Variants in PDE11A observed in about 807,000 individuals in gnomAD.
PDE11A encodes the protein phosphodiesterase 11A.
Under a neutral mutation model 100.5 loss-of-function variants are expected in PDE11A, and 100 were observed. The ratio of observed to expected loss-of-function variants is 1.00; its 90% CI spans 0.85 to 1.18. The LOEUF (loss-of-function observed/expected upper bound fraction) is 1.18, where lower values mean the gene tolerates loss of function less well. Ranked by LOEUF, PDE11A falls within the 50% of genes most tolerant of loss-of-function variation. The pLI is 0.00. For synonymous variants in PDE11A, 381 were observed against 420.8 expected, an observed-to-expected ratio of 0.91 and a Z score of 1.16; for missense variants, 1,141 against 1,152.6, an observed-to-expected ratio of 0.99 and a Z score of 0.15.
intron 13 of PDE11A, among the ~76,000 whole-genome samples, chr2:177,702,326 A>C (rs982385772): frequency 1.3e-5 from 2 of 152,066 alleles, no homozygotes; most frequent in African/African-American, 4.8e-5. Context: ...AAAAAAAAAA[A>C]AAAGTTCAAA....
chr2:177,724,938 C>T (rs1559161312), intron 12 of PDE11A, among the ~76,000 whole-genome samples: 1 of 152,036 alleles, frequency 6.6e-6, no homozygotes, highest in Non-Finnish European at 1.5e-5. Flanking sequence ...ATGGTTGGTA[C>T]ATGGTGAGTT....
chr2:178,099,310 C>T (rs1303192375), intron 2 of PDE11A, among the ~76,000 whole-genome samples: 3 of 151,988 alleles, frequency 2.0e-5, no homozygotes, highest in Non-Finnish European at 2.9e-5. Context: ...TGGTGGCACA[C>T]GCCTGTAATC....
chr2:177,919,150 T>G (rs1014463654), intron 2 of PDE11A, among the ~76,000 whole-genome samples: 2 of 147,362 alleles, frequency 1.4e-5, no homozygotes, highest in Admixed American at 1.4e-4. Context: ...CAGGCTGGAG[T>G]GCAGTGGCAT....
At chr2:178,013,030 A>G (rs2086290193) in intron 2 of PDE11A, among the ~76,000 whole-genome samples, 1 of 152,168 alleles carries the variant, frequency 6.6e-6, no homozygotes, top group Non-Finnish European at 1.5e-5. Flanking sequence ...ACTTCTAAAC[A>G]ACGTCCTCTC....
chr2:177,645,796 A>T (rs1413861348), intron 19 of PDE11A, among the ~76,000 whole-genome samples: 1 of 152,246 alleles, frequency 6.6e-6, no homozygotes, highest in Non-Finnish European at 1.5e-5. Context: ...TTATAACAAA[A>T]GATGATGTTT....
chr2:177,943,432 C>T (rs12994400), intron 2 of PDE11A, among the ~76,000 whole-genome samples: 15,926 of 152,032 alleles, frequency 0.1, 1,150 homozygotes, highest in Non-Finnish European at 0.15. Flanking sequence ...CTCGTGGGTG[C>T]GACATGATAT....
chr2:177,963,671 G>C (rs1463370311), intron 2 of PDE11A, among the ~76,000 whole-genome samples: 1 of 99,302 alleles, frequency 1.0e-5, no homozygotes, highest in African/African-American at 8.2e-5. Flanking sequence ...CTTGAAATCT[G>C]TCTGCAGAAA....
chr2:177,945,709 C>A lies in PDE11A; in HGVS notation c.1072-40522G>T, dbSNP rs1327660692. 7.9e-5 allele frequency among the ~76,000 whole-genome samples: 12 copies of A among 152,110 alleles called. No homozygotes were observed. The South Asian group carries it at 2.5e-3, about 32-fold the overall frequency. On this transcript the variant is annotated intron_variant, in intron 2 of 19. Coordinates refer to ENST00000286063, the MANE Select transcript of PDE11A (RefSeq NM_016953.4). ...GAGGAGCGTCTCCGCCCGGCAGCCA[C>A]CCCGTCCGGGAGGGAGGTGGGGGGG... is the stretch of plus-strand genomic sequence containing the variant.
intron 10 of PDE11A, among the ~76,000 whole-genome samples, chr2:177,752,853 C>A (rs575602357): frequency 1.3e-5 from 2 of 152,138 alleles, no homozygotes; most frequent in Admixed American, 6.5e-5. Flanking sequence ...TTTGTTAATG[C>A]GAGTCTGCAG....
At chr2:177,793,604 C>A (rs1275935377) in intron 9 of PDE11A, among the ~76,000 whole-genome samples, 3 of 150,598 alleles carry the variant, frequency 2.0e-5, no homozygotes, top group African/African-American at 7.3e-5. Flanking sequence ...CAGAAGCACT[C>A]AGTCCCGGGT....
At chr2:178,043,670 C>G (rs1230801541) in intron 1 of PDE11A, among the ~76,000 whole-genome samples, 1 of 152,102 alleles carries the variant, frequency 6.6e-6, no homozygotes, top group Non-Finnish European at 1.5e-5. Context: ...TTACCAGGAG[C>G]CTACCATATA....
chr2:177,728,040 T>C lies in PDE11A; in HGVS notation c.1921A>G (p.Lys641Glu), dbSNP rs189421632. 79 of 1,613,254 alleles carry C rather than the reference T, an allele frequency of 4.9e-5. 1 individual carries two copies. The East Asian group carries it at 1.7e-3, about 35-fold the overall frequency. ...FMELGMVQKFKIDYETLCRWL... is the reference protein window; with the variant it reads ...FMELGMVQKFEIDYETLCRWL... Reference sequence around the variant, plus strand: ...AGACATCTTACCTCATAGTCAATTTTAAATTTCTGTACCATCCCCAGCTCC... The same window carrying C: ...AGACATCTTACCTCATAGTCAATTTCAAATTTCTGTACCATCCCCAGCTCC... Residue 641 changes from lysine to glutamate, a missense_variant, in exon 11 of 20, where the codon AAA becomes GAA. Physicochemically the swap from Lys to Glu is moderately conservative, Grantham distance 56. Coordinates refer to ENST00000286063, the MANE Select transcript of PDE11A (RefSeq NM_016953.4).
At position 177,711,642 on chromosome 2, in the gene PDE11A, A is replaced by C. The variant is rs879099949; in HGVS notation, c.2153+127T>G. ...AAGATGGATGGGCCCCATGACATGC[A>C]CGCCCAAGCCTGCATGGCCTTGGCC... On this transcript the variant is annotated intron_variant, in intron 13 of 19. Coordinates refer to ENST00000286063, the MANE Select transcript of PDE11A (RefSeq NM_016953.4). The C allele has an allele frequency of 3.3e-5, 23 of 695,896 alleles. No homozygotes were observed. The South Asian group carries it at 3.6e-4, about 11-fold the overall frequency. 43.1% of individuals were successfully genotyped at this position (695,896 alleles called of 1,614,324 possible).
chr2:177,701,316 A>G, intron 13 of PDE11A, 105 bp from the exon 14 acceptor site: 1 of 728,730 alleles, frequency 1.4e-6, no homozygotes, highest in Non-Finnish European at 2.5e-6. Context: ...GACCATGAGC[A>G]GACACATCCT....
rs558886854 is a variant in PDE11A at position 177,645,594 on chromosome 2, A to G, written c.2647-16032T>C. ...TATTTTTTACTAGGAGCTAAATATA[A>G]TTCCTAAATGAGAAAATTGATTTCA... On this transcript the variant is annotated intron_variant, in intron 19 of 19. Transcript: ENST00000286063. Among the ~76,000 whole-genome samples the G allele has an allele frequency of 2.6e-5, 4 of 152,344 alleles. No homozygotes were observed. In the South Asian group the frequency reaches 8.3e-4, roughly 32 times the overall value.
intron 1 of PDE11A, among the ~76,000 whole-genome samples, chr2:178,017,742 C>T (rs1334526003): frequency 1.3e-4 from 20 of 152,008 alleles, no homozygotes; most frequent in Admixed American, 1.2e-3. Context: ...CGGCAGATCA[C>T]GAAGTCAGGA....
At chr2:178,061,586 G>A (rs1314389211) in intron 1 of PDE11A, among the ~76,000 whole-genome samples, 1 of 152,180 alleles carries the variant, frequency 6.6e-6, no homozygotes, top group Non-Finnish European at 1.5e-5. Flanking sequence ...TCAAGCATGA[G>A]GGTGAGATAA....
At chr2:177,803,522 T>A (rs1421239156) in intron 9 of PDE11A, among the ~76,000 whole-genome samples, 1 of 151,874 alleles carries the variant, frequency 6.6e-6, no homozygotes, top group Non-Finnish European at 1.5e-5. Flanking sequence ...CAGACCAATA[T>A]CCCTGATGAA....
At position 177,883,409 on chromosome 2, in the gene PDE11A, C is replaced by T. The variant is rs190597765; in HGVS notation, c.1303-7486G>A. ...CAAATACTTAGTGCACCAAGCACTGCTATAGGCTCTATAAACACCAAGGGG... is the reference window on the plus strand; with the variant it reads ...CAAATACTTAGTGCACCAAGCACTGTTATAGGCTCTATAAACACCAAGGGG... On this transcript the variant is annotated intron_variant, in intron 4 of 19. Coordinates refer to ENST00000286063, the MANE Select transcript of PDE11A (RefSeq NM_016953.4). 1.1e-3 allele frequency among the ~76,000 whole-genome samples: 165 copies of T among 152,302 alleles called. 1 individual carries two copies. The highest frequency in any genetic ancestry group is 3.8e-3 in the African/African-American group (159 of 41,572).
Sources: allele counts gnomAD v4.1 joint callset (sites outside exome capture counted in the v4.1 genomes callset), GRCh38; gene constraint gnomAD v4.1.1; transcripts MANE v1.5; gene names NCBI Gene and HGNC (gene_info 2026-07-23, HGNC 2026-07-21).